UVRAG: variants seen among roughly 807,000 people sequenced by gnomAD.
UVRAG encodes UV radiation resistance associated.
UVRAG carries 19 observed loss-of-function variants against 78.0 expected under a neutral mutation model. That is an observed-to-expected ratio of 0.24 (90% confidence interval 0.17 to 0.36). The LOEUF is 0.36. Among genes scored for constraint, UVRAG ranks in the 10% least tolerant of loss-of-function variants. UVRAG has a pLI of 1.00. For synonymous variants in UVRAG, 323 were observed against 324.6 expected, an observed-to-expected ratio of 1.00 and a Z score of 0.05; for missense variants, 740 against 853.8, an observed-to-expected ratio of 0.87 and a Z score of 1.66.
chr11:76,054,779 A>C (rs1329239833), intron 12 of UVRAG, among the ~76,000 whole-genome samples: 1 of 152,242 alleles, frequency 6.6e-6, no homozygotes, highest in African/African-American at 2.4e-5. Context: ...TGTAAGCTTC[A>C]TGAAGACAGG....
intron 14 of UVRAG, among the ~76,000 whole-genome samples, chr11:76,118,109 G>A (rs1251346005): frequency 6.6e-6 from 1 of 152,018 alleles, no homozygotes; most frequent in East Asian, 1.9e-4. Context: ...ACCTCCATGA[G>A]GTTTATAATT....
At chr11:75,983,048 G>C (rs1949424201) in intron 7 of UVRAG, among the ~76,000 whole-genome samples, 1 of 152,024 alleles carries the variant, frequency 6.6e-6, no homozygotes. Flanking sequence ...GGGTCTTATG[G>C]TACCTCTGTA....
intron 12 of UVRAG, among the ~76,000 whole-genome samples, chr11:76,041,953 GTTCAAGAAAAAATAC>G: frequency 6.6e-6 from 1 of 152,284 alleles, no homozygotes; most frequent in East Asian, 1.9e-4. Context: ...GTCACAGAGA[GTTCAAGAAAAAATAC>G]TTCCAAGACT....
intron 13 of UVRAG, among the ~76,000 whole-genome samples, chr11:76,082,367 T>C (rs968910270): frequency 3.3e-5 from 5 of 151,390 alleles, no homozygotes; most frequent in South Asian, 2.1e-4. Context: ...GGTGAAACCC[T>C]GTCTCTACTA....
chr11:76,005,007 T>C (rs1331524500), intron 9 of UVRAG, among the ~76,000 whole-genome samples: 1 of 152,118 alleles, frequency 6.6e-6, no homozygotes, highest in East Asian at 1.9e-4. Flanking sequence ...AATCCATCCA[T>C]CATGCACTTT....
At chr11:76,119,353 T>C (rs942850286) in intron 14 of UVRAG, among the ~76,000 whole-genome samples, 2 of 152,050 alleles carry the variant, frequency 1.3e-5, no homozygotes, top group Non-Finnish European at 2.9e-5. Flanking sequence ...CTCCTCCGCC[T>C]CCTCTCTACC....
At chr11:76,055,176 T>C (rs1950957216) in intron 12 of UVRAG, among the ~76,000 whole-genome samples, 1 of 152,096 alleles carries the variant, frequency 6.6e-6, no homozygotes, top group African/African-American at 2.4e-5. Context: ...GCCTCCCAAG[T>C]AGCTGGGATT....
intron 14 of UVRAG, among the ~76,000 whole-genome samples, chr11:76,119,423 C>G (rs1343983366): frequency 6.6e-6 from 1 of 152,110 alleles, no homozygotes; most frequent in Non-Finnish European, 1.5e-5. Context: ...CTTATGACTC[C>G]CAAAGTTTTG....
chr11:75,883,390 A>G lies in UVRAG; in HGVS notation c.432+3350A>G, dbSNP rs546541786. 4.7e-5 allele frequency among the ~76,000 whole-genome samples: 7 copies of G among 149,388 alleles called. No homozygotes were observed. In the East Asian group the frequency reaches 1.4e-3, roughly 29 times the overall value. On this transcript the variant is annotated intron_variant, in intron 4 of 14. Coordinates refer to ENST00000356136, the MANE Select transcript of UVRAG (RefSeq NM_003369.4). ...AGAACAAAAAAAAAAAAAGAAAAGA[A>G]AAAAAAAAAAGAAAAAACATGTTTC...
intron 14 of UVRAG, among the ~76,000 whole-genome samples, chr11:76,135,185 C>T (rs910583892): frequency 3.3e-5 from 5 of 152,182 alleles, no homozygotes; most frequent in Non-Finnish European, 5.9e-5. Flanking sequence ...ACTGATATAA[C>T]TAATAAACGA....
intron 13 of UVRAG, among the ~76,000 whole-genome samples, chr11:76,091,943 T>C (rs906566808): frequency 6.6e-6 from 1 of 152,146 alleles, no homozygotes; most frequent in Non-Finnish European, 1.5e-5. Flanking sequence ...CATTAATTCG[T>C]CATTTACATT....
intron 12 of UVRAG, among the ~76,000 whole-genome samples, chr11:76,030,471 G>A (rs777227098): frequency 3.9e-5 from 6 of 152,156 alleles, no homozygotes; most frequent in Non-Finnish European, 5.9e-5. Flanking sequence ...TGGAAGATAC[G>A]GGTTAGTGAA....
At chr11:75,960,670 G>A in intron 6 of UVRAG, among the ~76,000 whole-genome samples, 1 of 152,102 alleles carries the variant, frequency 6.6e-6, no homozygotes, top group Non-Finnish European at 1.5e-5. Flanking sequence ...GGGGGCCTGA[G>A]GTAGGAGAAT....
chr11:75,987,549 A>G (rs1036889083), intron 8 of UVRAG, among the ~76,000 whole-genome samples: 2 of 152,166 alleles, frequency 1.3e-5, no homozygotes, highest in Admixed American at 1.3e-4. Flanking sequence ...TGTCTGAGAC[A>G]TCCAGTACAA....
chr11:75,858,155 T>A lies in UVRAG; in HGVS notation c.236-3591T>A, dbSNP rs531914132. On this transcript the variant is annotated intron_variant, in intron 2 of 14. Transcript: ENST00000356136. ...TAATTTTTTAATAGGTAAAAAAAAA[T>A]ATATATGTGTATATATATATAAAGA... Among the ~76,000 whole-genome samples the A allele has an allele frequency of 3.3e-5, 5 of 151,072 alleles. No homozygotes were observed. The South Asian group carries it at 6.3e-4, about 19-fold the overall frequency.
chr11:76,100,154 T>C (rs1170679450), intron 13 of UVRAG, among the ~76,000 whole-genome samples: 1 of 152,132 alleles, frequency 6.6e-6, no homozygotes, highest in Non-Finnish European at 1.5e-5. Flanking sequence ...CTGACAAAAA[T>C]CTTCCAGAAT....
chr11:75,816,269 G>A (rs189026940), intron 1 of UVRAG, among the ~76,000 whole-genome samples: 1 of 152,322 alleles, frequency 6.6e-6, no homozygotes, highest in African/African-American at 2.4e-5. Context: ...AAGATAAGAA[G>A]GGGGAAACAC....
intron 13 of UVRAG, among the ~76,000 whole-genome samples, chr11:76,075,582 A>G (rs1591206933): frequency 3.3e-5 from 5 of 152,078 alleles, no homozygotes; most frequent in East Asian, 3.9e-4. Flanking sequence ...ACTGCACTCC[A>G]GCCTAGGCAA....
intron 14 of UVRAG, among the ~76,000 whole-genome samples, chr11:76,133,778 T>C (rs1365281777): frequency 4.6e-5 from 7 of 152,026 alleles, no homozygotes; most frequent in Admixed American, 4.6e-4. Flanking sequence ...AGGTAGATCA[T>C]GAAAACAGAG....
Sources: gnomAD v4.1 joint callset for allele counts (sites outside exome capture counted in the v4.1 genomes callset) on GRCh38, gnomAD v4.1.1 for gene constraint, MANE v1.5 for transcripts, NCBI Gene and HGNC (gene_info 2026-07-23, HGNC 2026-07-21) for gene names.